The following KCNH1 variants were observed in gnomAD, a reference collection of about 807,000 sequenced individuals.
KCNH1 encodes the protein potassium voltage-gated channel subfamily H member 1, also known as voltage-gated delayed rectifier potassium channel KCNH1.
Under a neutral mutation model 69.2 loss-of-function variants are expected in KCNH1, and 27 were observed. The observed-to-expected ratio is 0.39, with a 90% CI of 0.29 to 0.54. The LOEUF (loss-of-function observed/expected upper bound fraction) is 0.54, where lower values mean the gene tolerates loss of function less well. KCNH1 is among the 20% of genes least tolerant of loss of function. The probability of loss-of-function intolerance (pLI) is 0.68; values close to 1 mark genes in which losing one functional copy is unlikely to be tolerated. For synonymous variants in KCNH1, 456 were observed against 487.7 expected, an observed-to-expected ratio of 0.93 and a Z score of 0.86; for missense variants, 798 against 1,261.6, an observed-to-expected ratio of 0.63 and a Z score of 5.57.
chr1:211,011,789 A>G (rs1221404572), intron 6 of KCNH1, among the ~76,000 whole-genome samples: 1 of 152,216 alleles, frequency 6.6e-6, no homozygotes, highest in African/African-American at 2.4e-5. Flanking sequence ...CAGCATCTAC[A>G]GTCCCGTCTT....
chr1:210,985,081 C>G (rs1211830134), intron 6 of KCNH1, among the ~76,000 whole-genome samples: 3 of 151,970 alleles, frequency 2.0e-5, no homozygotes, highest in Non-Finnish European at 2.9e-5. Flanking sequence ...AGAGATGTTT[C>G]TAGTATTCTC....
intron 10 of KCNH1, among the ~76,000 whole-genome samples, chr1:210,756,551 C>A (rs1934636): frequency 0.83 from 125,745 of 152,178 alleles, 51,991 homozygotes; most frequent in East Asian, 0.88. Flanking sequence ...AATTAAATCT[C>A]TCATGGAAAA....
At chr1:211,009,912 TTC>T (rs1345123649) in intron 6 of KCNH1, among the ~76,000 whole-genome samples, 1 of 152,178 alleles carries the variant, frequency 6.6e-6, no homozygotes, top group East Asian at 1.9e-4. Context: ...CCTAGCCAAG[TTC>T]TCTTTTTATC....
chr1:210,945,149 C>T (rs1443477521), intron 6 of KCNH1, among the ~76,000 whole-genome samples: 5 of 152,256 alleles, frequency 3.3e-5, no homozygotes, highest in South Asian at 2.1e-4. Flanking sequence ...TTTGCTTGCC[C>T]GTTCATCTAT....
chr1:211,116,764 G>A (rs1691591269), intron 1 of KCNH1, among the ~76,000 whole-genome samples: 1 of 152,188 alleles, frequency 6.6e-6, no homozygotes, highest in African/African-American at 2.4e-5. Flanking sequence ...ACTTGTGACA[G>A]GCCCTGCCAG....
chr1:210,811,286 T>G (rs1684695922), intron 7 of KCNH1, among the ~76,000 whole-genome samples: 1 of 152,088 alleles, frequency 6.6e-6, no homozygotes, highest in African/African-American at 2.4e-5. Context: ...CTAAGCAAAT[T>G]TTTAACTGGC....
intron 10 of KCNH1, among the ~76,000 whole-genome samples, chr1:210,749,601 T>A (rs1316843691): frequency 6.6e-6 from 1 of 152,080 alleles, no homozygotes; most frequent in African/African-American, 2.4e-5. Flanking sequence ...TTTAACAAGA[T>A]CCCAGATGAT....
intron 7 of KCNH1, among the ~76,000 whole-genome samples, chr1:210,917,220 AG>A (rs1448845572): frequency 8.9e-4 from 109 of 122,612 alleles, no homozygotes; most frequent in Middle Eastern, 4.0e-3. Flanking sequence ...AGAGAGAGAG[AG>A]AGAGAGAGAG....
In KCNH1 at chr1:210,999,289, G is replaced by A. The variant is rs541266301; in HGVS notation, c.1032+19494C>T. 3.0e-3 allele frequency among the ~76,000 whole-genome samples: 459 copies of A among 151,866 alleles called. 4 individuals are homozygous for A. Among genetic ancestry groups the A allele is most frequent in the African/African-American group, 0.01 (423 of 41,428 alleles). ...TAGCAAGACTAATAAAGAAGAAAAG[G>A]GAGAAGAATCAAATAGACACAATAA... On this transcript the variant is annotated intron_variant, in intron 6 of 10. Transcript: ENST00000271751.
chr1:211,015,516 C>G (rs12042686), intron 6 of KCNH1, among the ~76,000 whole-genome samples: 3 of 152,076 alleles, frequency 2.0e-5, no homozygotes, highest in Admixed American at 1.3e-4. Context: ...TCCCACCCCC[C>G]ACCTTGTTTT....
At chr1:210,788,685 C>CTTTCTTTTT (rs1684152196) in intron 9 of KCNH1, among the ~76,000 whole-genome samples, 1 of 80,722 alleles carries the variant, frequency 1.2e-5, no homozygotes, top group African/African-American at 5.0e-5. Flanking sequence ...TAGCTTCTTT[C>CTTTCTTTTT]TTTTTTTTTT....
chr1:211,014,149 C>G (rs1002938627), intron 6 of KCNH1, among the ~76,000 whole-genome samples: 3 of 152,174 alleles, frequency 2.0e-5, no homozygotes, highest in Non-Finnish European at 4.4e-5. Flanking sequence ...GATAACAGCT[C>G]CCTTTTCCCC....
intron 6 of KCNH1, among the ~76,000 whole-genome samples, chr1:210,926,013 C>T (rs1269735504): frequency 2.6e-5 from 4 of 152,240 alleles, no homozygotes; most frequent in African/African-American, 7.2e-5. Flanking sequence ...AATCCCAACA[C>T]TTTGGGAGGC....
chr1:211,100,502 C>A (rs181314212), intron 3 of KCNH1, among the ~76,000 whole-genome samples: 4 of 152,274 alleles, frequency 2.6e-5, no homozygotes, highest in East Asian at 1.9e-4. Flanking sequence ...CAGGCACCCG[C>A]CACCACACCC....
At chr1:210,911,508 G>A (rs1264893862) in intron 7 of KCNH1, among the ~76,000 whole-genome samples, 3 of 151,126 alleles carry the variant, frequency 2.0e-5, no homozygotes, top group African/African-American at 7.3e-5. Flanking sequence ...TTTGAAACAT[G>A]TAACTAACCT....
intron 10 of KCNH1, among the ~76,000 whole-genome samples, chr1:210,692,985 G>A (rs1045144156): frequency 3.9e-5 from 6 of 152,128 alleles, no homozygotes; most frequent in Non-Finnish European, 7.4e-5. Flanking sequence ...CCTAACGGAG[G>A]CCCTGTCCAC....
At chr1:210,982,423 C>T (rs1023218610) in intron 6 of KCNH1, among the ~76,000 whole-genome samples, 2 of 152,048 alleles carry the variant, frequency 1.3e-5, no homozygotes, top group African/African-American at 2.4e-5. Flanking sequence ...TCCCCCTTCC[C>T]CCCACTCCAC....
chr1:211,000,657 A>C (rs1450747375), intron 6 of KCNH1, among the ~76,000 whole-genome samples: 3 of 152,216 alleles, frequency 2.0e-5, no homozygotes, highest in Admixed American at 6.5e-5. Flanking sequence ...AATTGGAAAA[A>C]ACTACTTTAA....
intron 5 of KCNH1, among the ~76,000 whole-genome samples, chr1:211,041,491 T>C (rs974398467): frequency 3.3e-5 from 5 of 152,212 alleles, no homozygotes; most frequent in Non-Finnish European, 4.4e-5. Context: ...CTATATTCAA[T>C]GTACCATCCT....
Sources: allele counts gnomAD v4.1 joint callset (sites outside exome capture counted in the v4.1 genomes callset), GRCh38; gene constraint gnomAD v4.1.1; transcripts MANE v1.5; gene names NCBI Gene and HGNC (gene_info 2026-07-23, HGNC 2026-07-21).